The following TLN2 variants were observed in gnomAD, a reference collection of about 807,000 sequenced individuals.
TLN2 encodes talin-2.
TLN2 carries 118 observed loss-of-function variants against 294.7 expected under a neutral mutation model. The ratio of observed to expected loss-of-function variants is 0.40; its 90% confidence interval spans 0.34 to 0.47. TLN2 has a LOEUF of 0.47. TLN2 is among the 20% of genes least tolerant of loss of function. The probability of loss-of-function intolerance (pLI) is 0.84; values close to 1 mark genes in which losing one functional copy is unlikely to be tolerated. For synonymous variants in TLN2, 1,431 were observed against 1,304.5 expected (o/e 1.10, Z -2.09); for missense variants, 3,083 against 3,282.2 (o/e 0.94, Z 1.48).
At chr15:62,587,538 G>A (rs1484444890) in intron 1 of TLN2, among the ~76,000 whole-genome samples, 1 of 152,038 alleles carries the variant, frequency 6.6e-6, no homozygotes, top group Non-Finnish European at 1.5e-5. Flanking sequence ...AATAAATATA[G>A]ACCTCCAACA....
At chr15:62,663,007 T>G (rs1400811082) in intron 9 of TLN2, among the ~76,000 whole-genome samples, 3 of 151,966 alleles carry the variant, frequency 2.0e-5, no homozygotes, top group Non-Finnish European at 4.4e-5. Context: ...GTATTTTTAG[T>G]AGGGACGAGG....
intron 1 of TLN2, among the ~76,000 whole-genome samples, chr15:62,546,723 A>G (rs2042013237): frequency 6.6e-6 from 1 of 152,246 alleles, no homozygotes; most frequent in East Asian, 1.9e-4. Context: ...GTGGCCACAC[A>G]GCGAAGGCGG....
chr15:62,555,055 T>C (rs1001058401), intron 1 of TLN2, among the ~76,000 whole-genome samples: 11 of 152,070 alleles, frequency 7.2e-5, no homozygotes, highest in African/African-American at 2.4e-4. Flanking sequence ...TGTGATATTC[T>C]TAGTTTACTC....
At chr15:62,593,589 G>A (rs2046252956) in intron 2 of TLN2, among the ~76,000 whole-genome samples, 1 of 152,120 alleles carries the variant, frequency 6.6e-6, no homozygotes. Flanking sequence ...TCATGGACTC[G>A]ATGACTCTAG....
At chr15:62,488,022 G>A (rs2038504341) in intron 1 of TLN2, among the ~76,000 whole-genome samples, 1 of 152,002 alleles carries the variant, frequency 6.6e-6, no homozygotes, top group Non-Finnish European at 1.5e-5. Context: ...AGGCTGTAGT[G>A]AGCTGTGATA....
intron 1 of TLN2, among the ~76,000 whole-genome samples, chr15:62,422,153 G>A (rs1023024770): frequency 2.0e-5 from 3 of 149,280 alleles, no homozygotes; most frequent in Non-Finnish European, 4.4e-5. Flanking sequence ...TCTGCTACTT[G>A]GGAGGCTGAG....
chr15:62,715,363 A>T (rs1375869734), intron 22 of TLN2, among the ~76,000 whole-genome samples: 1 of 152,226 alleles, frequency 6.6e-6, no homozygotes, highest in Non-Finnish European at 1.5e-5. Context: ...CGTTCATAGG[A>T]AGAAACTCAT....
At chr15:62,775,002 G>A (rs1485178829) in intron 42 of TLN2, among the ~76,000 whole-genome samples, 2 of 145,116 alleles carry the variant, frequency 1.4e-5, no homozygotes, top group Non-Finnish European at 3.0e-5. Flanking sequence ...TGTTGCCCAG[G>A]CTGGAGTGCA....
intron 34 of TLN2, among the ~76,000 whole-genome samples, chr15:62,751,053 C>T (rs1223135886): frequency 6.6e-6 from 1 of 151,964 alleles, no homozygotes; most frequent in Non-Finnish European, 1.5e-5. Flanking sequence ...GCTTGTTACC[C>T]TGCTCCTATC....
intron 1 of TLN2, among the ~76,000 whole-genome samples, chr15:62,416,667 C>T (rs1297649791): frequency 6.6e-6 from 1 of 152,180 alleles, no homozygotes; most frequent in Non-Finnish European, 1.5e-5. Context: ...AGAGATGACT[C>T]TCAAGCCATT....
intron 9 of TLN2, among the ~76,000 whole-genome samples, chr15:62,668,848 G>A (rs1280381336): frequency 2.6e-5 from 4 of 152,208 alleles, no homozygotes; most frequent in African/African-American, 9.6e-5. Context: ...TTTAATTGTA[G>A]AAACTCTCTC....
In TLN2 at chr15:62,759,470, A is replaced by C. The variant is rs531785714; in HGVS notation, c.4639-2211A>C. Among the ~76,000 whole-genome samples, 39 of 152,310 alleles carry C rather than the reference A, an allele frequency of 2.6e-4. 1 individual carries two copies. In the South Asian group the frequency reaches 3.5e-3, roughly 14 times the overall value. On this transcript the variant is annotated intron_variant, in intron 37 of 58. Transcript: ENST00000636159. ...AACAAACAAACCCTGTCTTTATTCTAATAGTGCTGTCTGTGACACCTACAC... is the reference window on the plus strand; with the variant it reads ...AACAAACAAACCCTGTCTTTATTCTCATAGTGCTGTCTGTGACACCTACAC...
At chr15:62,595,726 A>C (rs2046444080) in intron 2 of TLN2, among the ~76,000 whole-genome samples, 1 of 152,250 alleles carries the variant, frequency 6.6e-6, no homozygotes, top group Non-Finnish European at 1.5e-5. Context: ...AATACTATTC[A>C]GCCTTCAAGG....
At chr15:62,792,442 G>C (rs184139744) in intron 45 of TLN2, among the ~76,000 whole-genome samples, 199 bp from the exon 46 acceptor site, 47 of 152,316 alleles carry the variant, frequency 3.1e-4, no homozygotes, top group Admixed American at 2.7e-3. Flanking sequence ...GCTAGGTAGA[G>C]ACTGGGCATT....
intron 1 of TLN2, among the ~76,000 whole-genome samples, chr15:62,405,595 G>T (rs554333677): frequency 5.8e-4 from 88 of 152,314 alleles, no homozygotes; most frequent in Middle Eastern, 6.8e-3. Context: ...AATGAAAGCT[G>T]CATTTAGTGT....
At chr15:62,715,278 C>A (rs934367625) in intron 22 of TLN2, among the ~76,000 whole-genome samples, 1 of 152,034 alleles carries the variant, frequency 6.6e-6, no homozygotes, top group Non-Finnish European at 1.5e-5. Flanking sequence ...GAAATCTAGA[C>A]GTTTAGAAAA....
chr15:62,708,706 A>G lies in TLN2; in HGVS notation c.2377A>G (p.Ser793Gly), dbSNP rs1351978018. 1 of 1,613,546 alleles carries G rather than the reference A, an allele frequency of 6.2e-7. No individual in the cohort carries two copies. Among genetic ancestry groups the G allele is most frequent in the Non-Finnish European group, 8.5e-7 (1 of 1,180,048 alleles). Residue 793 changes from serine (S) to glycine (G), a missense_variant, in exon 21 of 59, where the codon AGC becomes GGC. Transcript: ENST00000636159. Reference protein sequence around the residue: ...DLLQHVRQFASRGEPIGRYDQ... With the variant: ...DLLQHVRQFAGRGEPIGRYDQ... ...CCTGCAGCATGTGCGGCAGTTTGCC[A>G]GCCGAGGCGAGCCCATCGGCCGCTA...
intron 1 of TLN2, among the ~76,000 whole-genome samples, chr15:62,508,627 C>G (rs763756908): frequency 7.2e-5 from 11 of 151,970 alleles, no homozygotes; most frequent in African/African-American, 2.7e-4. Context: ...TAGAGAAATA[C>G]GATTTATCAA....
At position 62,629,928 on chromosome 15, in the gene TLN2, G is replaced by C. The variant is rs558163581; in HGVS notation, c.-37+11453G>C. 1.6e-4 allele frequency among the ~76,000 whole-genome samples: 25 copies of C among 152,210 alleles called. 1 individual carries two copies. In the East Asian group the frequency reaches 2.9e-3, roughly 18 times the overall value. On this transcript the variant is annotated intron_variant, in intron 3 of 58. Transcript: ENST00000636159. ...ATGAGCATTTTAAAGGTAATTGAGG[G>C]CACCATAGATCATTTTAACATCCTT...
Sources: gnomAD v4.1 joint callset for allele counts (sites outside exome capture counted in the v4.1 genomes callset) on GRCh38, gnomAD v4.1.1 for gene constraint, MANE v1.5 for transcripts, NCBI Gene and HGNC (gene_info 2026-07-23, HGNC 2026-07-21) for gene names.